Variants in SLC26A7 observed in about 807,000 individuals in gnomAD.
SLC26A7 encodes the protein anion exchange transporter.
SLC26A7 carries 59 observed loss-of-function variants against 82.5 expected under a neutral mutation model. That is an observed-to-expected ratio of 0.72 (90% CI 0.58 to 0.89). SLC26A7 has a LOEUF of 0.89. Among genes scored for constraint, SLC26A7 ranks in the 40% least tolerant of loss-of-function variants. The pLI, the probability that SLC26A7 is intolerant of heterozygous loss-of-function variation, is 0.00. For synonymous variants in SLC26A7, 271 were observed against 274.3 expected (o/e 0.99, Z 0.12); for missense variants, 820 against 793.0 (o/e 1.03, Z -0.41).
rs1261956514 is a variant in SLC26A7 at position 91,343,646 on chromosome 8, C to T, written c.1140+180C>T. On this transcript the variant is annotated intron_variant, in intron 9 of 18. Coordinates refer to ENST00000276609, the MANE Select transcript of SLC26A7 (RefSeq NM_052832.4). ...ATCTCTATCCCATAAATGACACTTA[C>T]GAAAGCTAAGGATTCAACAAGGAAA... Among the ~76,000 whole-genome samples, 11 of 152,106 alleles carry T rather than the reference C, an allele frequency of 7.2e-5. No individual in the cohort carries two copies. In the South Asian group the frequency reaches 1.0e-3, roughly 14 times the overall value.
intron 2 of SLC26A7, among the ~76,000 whole-genome samples, chr8:91,220,997 A>G (rs1810152357): frequency 6.6e-6 from 1 of 152,194 alleles, no homozygotes; most frequent in African/African-American, 2.4e-5. Flanking sequence ...ACAGTGTAAA[A>G]GCATTCCTAT....
intron 2 of SLC26A7, among the ~76,000 whole-genome samples, chr8:91,272,011 A>G (rs34560171): frequency 0.087 from 13,125 of 151,000 alleles, 838 homozygotes; most frequent in African/African-American, 0.18. Context: ...AGGATCTACA[A>G]GAAGCTTTTG....
intron 2 of SLC26A7, among the ~76,000 whole-genome samples, chr8:91,276,846 G>C (rs1399922167): frequency 1.3e-5 from 2 of 152,048 alleles, no homozygotes; most frequent in East Asian, 3.9e-4. Context: ...TTAACATTGA[G>C]ACCCAGAAAA....
chr8:91,243,087 T>A (rs1346043646), intron 2 of SLC26A7, among the ~76,000 whole-genome samples: 1 of 152,180 alleles, frequency 6.6e-6, no homozygotes, highest in East Asian at 1.9e-4. Context: ...ATGTTTATGC[T>A]TTTAAAGTCA....
chr8:91,251,472 T>C (rs1810654945), intron 2 of SLC26A7, among the ~76,000 whole-genome samples: 1 of 152,098 alleles, frequency 6.6e-6, no homozygotes, highest in South Asian at 2.1e-4. Context: ...CGTTTTTGTT[T>C]GTGAAATTTA....
chr8:91,387,910 T>A (rs1814841938), intron 15 of SLC26A7, among the ~76,000 whole-genome samples: 2 of 152,202 alleles, frequency 1.3e-5, no homozygotes, highest in South Asian at 4.1e-4. Context: ...TTGAACATAG[T>A]ACAAACATAA....
chr8:91,261,461 G>A (rs1440579276), intron 2 of SLC26A7, among the ~76,000 whole-genome samples: 1 of 152,016 alleles, frequency 6.6e-6, no homozygotes, highest in East Asian at 1.9e-4. Context: ...TTTGCCTTGA[G>A]TAGATTGTAT....
chr8:91,303,856 T>G (rs1182022113), intron 4 of SLC26A7, among the ~76,000 whole-genome samples: 1 of 152,236 alleles, frequency 6.6e-6, no homozygotes, highest in African/African-American at 2.4e-5. Flanking sequence ...ATCAACTTTC[T>G]TCTTTTGTAA....
At position 91,300,640 on chromosome 8, in the gene SLC26A7, G is replaced by A. The variant is rs181845644; in HGVS notation, c.477+4937G>A. ...TCTCGATCTCCTGACCTCGTGATCC[G>A]CCCGCCTCGGCCTCCCAAAGTGCTG... On this transcript the variant is annotated intron_variant, in intron 4 of 18. Transcript: ENST00000276609. Among the ~76,000 whole-genome samples the A allele has an allele frequency of 1.4e-3, 210 of 152,096 alleles. 2 individuals are homozygous for A. The highest frequency in any genetic ancestry group is 5.0e-3 in the African/African-American group (207 of 41,534).
chr8:91,361,107 T>C (rs956476219), intron 11 of SLC26A7, among the ~76,000 whole-genome samples: 2 of 152,156 alleles, frequency 1.3e-5, no homozygotes, highest in Non-Finnish European at 2.9e-5. Flanking sequence ...TACTCCATAA[T>C]GTGTGTTTGT....
At chr8:91,305,859 T>G (rs1812289917) in intron 4 of SLC26A7, among the ~76,000 whole-genome samples, 1 of 152,198 alleles carries the variant, frequency 6.6e-6, no homozygotes, top group Admixed American at 6.5e-5. Context: ...TCCTTTTTCC[T>G]TTACTATTCC....
intron 2 of SLC26A7, among the ~76,000 whole-genome samples, chr8:91,271,688 G>T (rs961249493): frequency 6.8e-6 from 1 of 147,550 alleles, no homozygotes; most frequent in South Asian, 2.2e-4. Context: ...TCTGCCTCCC[G>T]GGTTCACCCC....
chr8:91,353,085 G>T, intron 11 of SLC26A7, 89 bp downstream of exon 11: 1 of 858,398 alleles, frequency 1.2e-6, no homozygotes, highest in Admixed American at 2.7e-5. Flanking sequence ...GCAGAAAATA[G>T]ATATTGTCAT....
rs773445324 is a variant in SLC26A7, at chr8:91,334,299, A to G, written c.647A>G (p.Tyr216Cys). The G allele has an allele frequency of 2.5e-6, 4 of 1,609,122 alleles. No individual in the cohort carries two copies. The highest frequency in any genetic ancestry group is 1.1e-5 in the South Asian group (1 of 89,926). ...TATTTTTTCTCATTACTGTAGATTT[A>G]TGCATATGTTTTTGAAAACATCAAG... ...ISGPLGFFYI[Y>C]AYVFENIKSV... is the part of the protein sequence containing the mutation. Residue 216 changes from tyrosine (Y) to cysteine (C), a missense_variant, in exon 6 of 19, where the codon TAT becomes TGT. Transcript: ENST00000276609.
intron 15 of SLC26A7, among the ~76,000 whole-genome samples, chr8:91,377,982 G>T (rs576067750): frequency 6.6e-6 from 1 of 151,968 alleles, no homozygotes; most frequent in African/African-American, 2.4e-5. Context: ...TGAAAAAAAC[G>T]AATTACAAAT....
chr8:91,220,336 T>G (rs1810139027), intron 2 of SLC26A7, among the ~76,000 whole-genome samples: 1 of 152,212 alleles, frequency 6.6e-6, no homozygotes, highest in South Asian at 2.1e-4. Flanking sequence ...AAATAATTTC[T>G]TATAACCTAA....
intron 15 of SLC26A7, among the ~76,000 whole-genome samples, chr8:91,384,142 T>C (rs1814737006): frequency 6.6e-6 from 1 of 152,182 alleles, no homozygotes; most frequent in South Asian, 2.1e-4. Flanking sequence ...GTCACTGAAA[T>C]GAGTCTGGAG....
intron 2 of SLC26A7, among the ~76,000 whole-genome samples, chr8:91,281,876 C>G (rs12676718): frequency 0.58 from 88,023 of 151,972 alleles, 27,438 homozygotes; most frequent in Non-Finnish European, 0.7. Flanking sequence ...TTAAGCATAC[C>G]TTTTCAGCTG....
chr8:91,347,480 T>A (rs1813592833), intron 9 of SLC26A7, among the ~76,000 whole-genome samples: 1 of 152,230 alleles, frequency 6.6e-6, no homozygotes, highest in Non-Finnish European at 1.5e-5. Flanking sequence ...ATTTAAAAGT[T>A]ATTAATGATA....
Sources: gnomAD v4.1 joint callset for allele counts (sites outside exome capture counted in the v4.1 genomes callset) on GRCh38, gnomAD v4.1.1 for gene constraint, MANE v1.5 for transcripts, NCBI Gene and HGNC (gene_info 2026-07-23, HGNC 2026-07-21) for gene names.